Variants in MDN1 observed in about 807,000 individuals in gnomAD.
MDN1 encodes midasin.
Under a neutral mutation model 669.2 loss-of-function variants are expected in MDN1, and 266 were observed. The ratio of observed to expected loss-of-function variants is 0.40; its 90% CI spans 0.36 to 0.44. The LOEUF (loss-of-function observed/expected upper bound fraction) is 0.44, where lower values mean the gene tolerates loss of function less well. Ranked by LOEUF, MDN1 falls within the 20% of genes least tolerant of loss-of-function variation. The pLI is 1.00. For missense variants in MDN1, 5,940 were observed against 6,754.0 expected (o/e 0.88, Z 4.22); for synonymous variants, 2,385 against 2,457.1 (o/e 0.97, Z 0.87).
At chr6:89,680,566 T>A in intron 74 of MDN1, 23 bp downstream of exon 74, 3 of 1,608,734 alleles carry the variant, frequency 1.9e-6, no homozygotes, top group Non-Finnish European at 2.5e-6. Flanking sequence ...AGATCCACCC[T>A]TGACTTGGAT....
intron 69 of MDN1, 44 bp downstream of exon 69, chr6:89,686,858 C>G (rs755532128): frequency 6.2e-7 from 1 of 1,606,832 alleles, no homozygotes; most frequent in African/African-American, 1.3e-5. Context: ...CTCCATTTAG[C>G]CGGGAAGCTC....
intron 94 of MDN1, among the ~76,000 whole-genome samples, chr6:89,652,766 G>C (rs1584089883): frequency 6.6e-6 from 1 of 152,174 alleles, no homozygotes; most frequent in East Asian, 1.9e-4. Flanking sequence ...TCACAGACAG[G>C]TCAGGGCACT....
chr6:89,713,244 G>A lies in MDN1; in HGVS notation c.7122C>T (p.Val2374=). The A allele has an allele frequency of 6.2e-7, 1 of 1,613,992 alleles. No individual in the cohort carries two copies. ...STLIQTAILI[V]QYLQRGLSLD... The stretch of plus-strand genomic sequence containing the variant: ...AACTCAGCCCTCGCTGCAGGTACTG[G>A]ACAATTAGTATGGCTGTCTGGATTA... The change falls in exon 47 of 102, where the codon GTC becomes GTT. Residue 2374 remains valine, a synonymous_variant. Coordinates refer to ENST00000369393, the MANE Select transcript of MDN1 (RefSeq NM_014611.3).
chr6:89,664,390 A>G (rs1810033642), intron 85 of MDN1, 97 bp downstream of exon 85: 1 of 1,488,568 alleles, frequency 6.7e-7, no homozygotes, highest in African/African-American at 1.4e-5. Flanking sequence ...ACTTGTTTCA[A>G]AAGATTATAT....
chr6:89,687,769 G>A (rs908118529), intron 67 of MDN1, among the ~76,000 whole-genome samples: 4 of 152,204 alleles, frequency 2.6e-5, no homozygotes, highest in Non-Finnish European at 5.9e-5. Flanking sequence ...TAGAGGCCAT[G>A]AGGGCACTGA....
chr6:89,688,167 C>G lies in MDN1; in HGVS notation c.11266G>C (p.Val3756Leu). The change falls in exon 67 of 102, where the codon GTT becomes CTT. Residue 3756 changes from valine to leucine, a missense_variant. Around this residue, in one of 5 missense-constraint regions of MDN1, gnomAD observed 2,280 missense variants for 2,576.3 expected, o/e 0.88. Coordinates refer to ENST00000369393, the MANE Select transcript of MDN1 (RefSeq NM_014611.3). ...AAACTACGAATTCTGTCCATTACAA[C>G]CAGGAGCTGCAGAAATAAAGATTTG... Reference protein sequence around the residue: ...PEHPALEQLLVVMDRIRSFPL... With the variant: ...PEHPALEQLLLVMDRIRSFPL... 1 of 1,613,662 alleles carries G rather than the reference C, an allele frequency of 6.2e-7. No individual in the cohort carries two copies. Among genetic ancestry groups the G allele is most frequent in the Non-Finnish European group, 8.5e-7 (1 of 1,179,672 alleles).
intron 10 of MDN1, chr6:89,781,146 T>C (rs889550129): frequency 8.2e-5 from 40 of 490,570 alleles, no homozygotes; most frequent in Non-Finnish European, 1.4e-4. Flanking sequence ...TTTTTAAAGT[T>C]AAAAACATTA....
chr6:89,693,019 G>A lies in MDN1; in HGVS notation c.10011C>T (p.Ile3337=), dbSNP rs775135067. Residue 3337 remains isoleucine, a synonymous_variant, in exon 63 of 102, where the codon ATC becomes ATT. Transcript: ENST00000369393. ...VQEIHHYVTS[I]AKAPAVQDLL... The stretch of plus-strand genomic sequence containing the variant: ...GATCCTGAACAGCAGGGGCCTTGGC[G>A]ATGCTGGTGACGTAGTGGTGGATCT... 6.6e-5 allele frequency: 107 copies of A among 1,614,094 alleles called. No homozygotes were observed. Among genetic ancestry groups the A allele is most frequent in the Non-Finnish European group, 8.7e-5 (103 of 1,180,042 alleles).
chr6:89,768,826 C>T (rs1019339857), intron 15 of MDN1, among the ~76,000 whole-genome samples: 1 of 152,036 alleles, frequency 6.6e-6, no homozygotes, highest in African/African-American at 2.4e-5. Flanking sequence ...GAGGCCCAGG[C>T]GGGAAGATTC....
At chr6:89,736,905 G>A (rs1345936505) in intron 33 of MDN1, among the ~76,000 whole-genome samples, 1 of 152,182 alleles carries the variant, frequency 6.6e-6, no homozygotes, top group Admixed American at 6.5e-5. Context: ...CTGAGGCTCT[G>A]AGCCTGGGCC....
chr6:89,805,873 T>C (rs1337618655), intron 1 of MDN1, among the ~76,000 whole-genome samples: 1 of 152,182 alleles, frequency 6.6e-6, no homozygotes. Context: ...TTGGTCATGA[T>C]ACATAGGAGC....
Position 89,743,189 on chromosome 6 carries a change from A to G in MDN1, c.4409T>C (p.Ile1470Thr). 6.2e-7 allele frequency: 1 copy of G among 1,614,160 alleles called. No homozygotes were observed. The highest frequency in any genetic ancestry group is 8.5e-7 in the Non-Finnish European group (1 of 1,180,028). ...KEDGFFLLDEISLADDSVLER... is the reference protein window; with the variant it reads ...KEDGFFLLDETSLADDSVLER... ...CAAGACAGAGTCATCGGCCAATGAG[A>G]TCTCATCCAAGAGGAAAAAGCCGTC... Residue 1470 changes from isoleucine to threonine, a missense_variant, in exon 31 of 102, where the codon ATC becomes ACC. Physicochemically the swap from Ile to Thr is moderately conservative, Grantham distance 89 (BLOSUM62 -1). Coordinates refer to ENST00000369393, the MANE Select transcript of MDN1 (RefSeq NM_014611.3).
chr6:89,771,971 T>C (rs1818104643), intron 14 of MDN1, among the ~76,000 whole-genome samples: 1 of 152,168 alleles, frequency 6.6e-6, no homozygotes, highest in Non-Finnish European at 1.5e-5. Flanking sequence ...GCTCCCAAAG[T>C]GCTAGGATTA....
chr6:89,714,666 C>T lies in MDN1; in HGVS notation c.6946G>A (p.Gly2316Arg). ...AGGTTGTCTGGGGTGCTTGCATCCC[C>T]TTCCCCTGAAATGTAGATTTCAAGT... ...RGLEIYISGE[G>R]DASTPDNLDL... The change falls in exon 46 of 102, where the codon GGG becomes AGG. Residue 2316 changes from glycine to arginine, a missense_variant. Coordinates refer to ENST00000369393, the MANE Select transcript of MDN1 (RefSeq NM_014611.3). 6.2e-7 allele frequency: 1 copy of T among 1,614,062 alleles called. No homozygotes were observed. The highest frequency in any genetic ancestry group is 8.5e-7 in the Non-Finnish European group (1 of 1,179,928).
At chr6:89,680,777 T>A in intron 73 of MDN1, 26 bp from the exon 74 acceptor site, 1 of 1,605,884 alleles carries the variant, frequency 6.2e-7, no homozygotes, top group Non-Finnish European at 8.5e-7. Flanking sequence ...CAGGTTAGCC[T>A]CACTGCCAAG....
chr6:89,662,643 A>C, intron 86 of MDN1, 149 bp downstream of exon 86: 1 of 950,178 alleles, frequency 1.1e-6, no homozygotes, highest in Non-Finnish European at 1.6e-6. Flanking sequence ...GTAATCAATA[A>C]GATAGGATAG....
intron 46 of MDN1, among the ~76,000 whole-genome samples, chr6:89,714,131 T>C (rs937101842): frequency 6.6e-6 from 1 of 152,176 alleles, no homozygotes. Flanking sequence ...TCATTTATTA[T>C]CTTGTTCCTT....
At position 89,723,111 on chromosome 6, in the gene MDN1, C is replaced by A. The variant is rs774873113; in HGVS notation, c.5811G>T (p.Trp1937Cys). The A allele has an allele frequency of 6.2e-7, 1 of 1,613,912 alleles. No homozygotes were observed. The highest frequency in any genetic ancestry group is 1.3e-5 in the African/African-American group (1 of 74,880). The change falls in exon 40 of 102, where the codon TGG becomes TGT. Residue 1937 changes from tryptophan (W) to cysteine (C), a missense_variant. Transcript: ENST00000369393. ...IDHEVTVEKK[W>C]GQKGGPWEFN... The stretch of plus-strand genomic sequence containing the variant: ...ATTCCCAGGGTCCTCCTTTTTGCCC[C>A]CATTTCTTCTCAACAGTCACTTCAT...
Position 89,718,524 on chromosome 6 carries a change from ACTT to A in MDN1, c.6422_6424del (p.Glu2141del). 1 of 1,614,168 alleles carries A rather than the reference ACTT, an allele frequency of 6.2e-7. No individual in the cohort carries two copies. The highest frequency in any genetic ancestry group is 8.5e-7 in the Non-Finnish European group (1 of 1,180,012). ...AAAATGACTCCAGGCTCGCAGCACTACTTCTGCATCATCAGCACTGATAAGGAG... is the reference window on the plus strand; with the variant it reads ...AAAATGACTCCAGGCTCGCAGCACTACTGCATCATCAGCACTGATAAGGAG... On this transcript the variant is annotated inframe_deletion, in exon 43 of 102. Coordinates refer to ENST00000369393, the MANE Select transcript of MDN1 (RefSeq NM_014611.3).
Sources: allele counts gnomAD v4.1 joint callset (sites outside exome capture counted in the v4.1 genomes callset), GRCh38; gene constraint gnomAD v4.1.1; regional missense constraint gnomAD v4.1.1; transcripts MANE v1.5; gene names NCBI Gene and HGNC (gene_info 2026-07-23, HGNC 2026-07-21).